PIGQ: variants seen among roughly 807,000 people sequenced by gnomAD.
PIGQ encodes the protein phosphatidylinositol glycan anchor biosynthesis class Q, also known as phosphatidylinositol N-acetylglucosaminyltransferase subunit Q.
A neutral mutation model predicts 60.3 loss-of-function variants in PIGQ; 54 were observed. The ratio of observed to expected loss-of-function variants is 0.90; its 90% CI spans 0.72 to 1.12. The LOEUF is 1.12. Ranked by LOEUF, PIGQ falls within the 50% of genes most tolerant of loss-of-function variation. The pLI, the probability that PIGQ is intolerant of heterozygous loss-of-function variation, is 0.00. For synonymous variants in PIGQ, 416 were observed against 363.7 expected, an observed-to-expected ratio of 1.14 and a Z score of -1.64; for missense variants, 799 against 793.5, an observed-to-expected ratio of 1.01 and a Z score of -0.08.
chr16:578,586 G>C (rs993673594), intron 5 of PIGQ, 81 bp downstream of exon 5: 2 of 1,512,506 alleles, frequency 1.3e-6, no homozygotes, highest in African/African-American at 1.4e-5. Flanking sequence ...CCCGCCCCCT[G>C]TGCCCCCAAC....
chr16:583,194 G>A lies in PIGQ; in HGVS notation c.*159G>A, dbSNP rs375151578. The A allele has an allele frequency of 3.8e-5, 61 of 1,613,160 alleles. No homozygotes were observed. Among genetic ancestry groups the A allele is most frequent in the African/African-American group, 6.7e-5 (5 of 74,926 alleles). ...CTGCTATCACACCTTGGGCTTGGAG[G>A]TCATTGGGAGTGAGCAGATGTGGGG... On this transcript the variant is annotated 3_prime_UTR_variant, in exon 11 of 11. Coordinates refer to ENST00000321878, the MANE Select transcript of PIGQ (RefSeq NM_004204.5).
Position 583,607 on chromosome 16 carries a change from G to A in PIGQ, c.*572G>A, listed in dbSNP as rs759264656. On this transcript the variant is annotated 3_prime_UTR_variant, in exon 11 of 11. Coordinates refer to ENST00000321878, the MANE Select transcript of PIGQ (RefSeq NM_004204.5). ...CTGAACCACACGGGGTTTATTTGCGGATGTTCCCTGGAGAGGTCGCTTTGT... is the reference window on the plus strand; with the variant it reads ...CTGAACCACACGGGGTTTATTTGCGAATGTTCCCTGGAGAGGTCGCTTTGT... The A allele has an allele frequency of 6.2e-7, 1 of 1,612,818 alleles. No homozygotes were observed. Among genetic ancestry groups the A allele is most frequent in the Admixed American group, 1.7e-5 (1 of 60,024 alleles).
rs576869766 is a variant in PIGQ, at chr16:582,698, C to G, written c.1594-185C>G. On this transcript the variant is annotated intron_variant, in intron 10 of 10. Transcript: ENST00000321878. The stretch of plus-strand genomic sequence containing the variant: ...AGGGGAGATGCAGCTTCTGCCTCCC[C>G]CCAGCGCTCCCTTCTGGCTGCAGGC... The G allele has an allele frequency of 1.3e-4, 92 of 698,220 alleles. No homozygotes were observed. In the African/African-American group the frequency reaches 1.4e-3, roughly 11 times the overall value. The allele number at this position is 698,220 out of a possible 1,614,324, so 43.3% of individuals were successfully genotyped here. A position where few individuals can be genotyped will look rare whatever the true frequency, so the allele number is the denominator to read the frequency against.
chr16:571,075 G>GCCTAGCC (rs1271679163), intron 1 of PIGQ, among the ~76,000 whole-genome samples: 13 of 13,324 alleles, frequency 9.8e-4, no homozygotes, highest in African/African-American at 4.1e-3. Flanking sequence ...GTGTGTGTGT[G>GCCTAGCC]TGTGTGTGTG....
At position 583,399 on chromosome 16, in the gene PIGQ, A is replaced by G; in HGVS notation, c.*364A>G. 5 of 1,612,666 alleles carry G rather than the reference A, an allele frequency of 3.1e-6. No homozygotes were observed. Among genetic ancestry groups the G allele is most frequent in the South Asian group, 1.1e-5 (1 of 91,080 alleles). On this transcript the variant is annotated 3_prime_UTR_variant, in exon 11 of 11. Coordinates refer to ENST00000321878, the MANE Select transcript of PIGQ (RefSeq NM_004204.5). Reference sequence around the variant, plus strand: ...CGTCCACCACAGCAGCCCCAGGTGGAGGGCTGGTCTCCCTGGGGGCTCCCC... The same window carrying G: ...CGTCCACCACAGCAGCCCCAGGTGGGGGGCTGGTCTCCCTGGGGGCTCCCC...
chr16:576,097 C>A lies in PIGQ; in HGVS notation c.822-37C>A, dbSNP rs552888936. 17 of 1,544,790 alleles carry A rather than the reference C, an allele frequency of 1.1e-5. No homozygotes were observed. In the African/African-American group the frequency reaches 2.1e-4, roughly 19 times the overall value. On this transcript the variant is annotated intron_variant, in intron 3 of 10. Transcript: ENST00000321878. ...CTCCTGCGGCCCCAGGCTGTGCTGGCCACCCTCATGCCGGCCGGGCCGGAC... is the reference window on the plus strand; with the variant it reads ...CTCCTGCGGCCCCAGGCTGTGCTGGACACCCTCATGCCGGCCGGGCCGGAC...
At chr16:582,758 C>G (rs1257171200) in intron 10 of PIGQ, 125 bp from the exon 11 acceptor site, 12 of 1,081,744 alleles carry the variant, frequency 1.1e-5, no homozygotes, top group Middle Eastern at 6.3e-4. Context: ...ACTGGCTTCT[C>G]CCACAGGCAA....
chr16:581,214 G>T (rs189461061), intron 9 of PIGQ: 3 of 1,430,162 alleles, frequency 2.1e-6, no homozygotes, highest in South Asian at 1.4e-5. Context: ...GAACCCTGGA[G>T]ACCTGAGGCC....
At position 578,844 on chromosome 16, in the gene PIGQ, G is replaced by A. The variant is rs906758235; in HGVS notation, c.1129G>A (p.Ala377Thr). ...EHILWHVGLS[A>T]CLGLTVALSL... is the part of the protein sequence containing the mutation. ...CATCCTTTGGCACGTGGGCCTCTCG[G>A]CCTGCCTGGGCCTGACGGTGGCCCT... Residue 377 changes from alanine (A) to threonine (T), a missense_variant, in exon 6 of 11, where the codon GCC becomes ACC. By Grantham distance (58) the Ala-to-Thr change is moderately conservative. Coordinates refer to ENST00000321878, the MANE Select transcript of PIGQ (RefSeq NM_004204.5). 2 of 1,613,778 alleles carry A rather than the reference G, an allele frequency of 1.2e-6. No homozygotes were observed. The highest frequency in any genetic ancestry group is 2.7e-5 in the African/African-American group (2 of 75,050).
At chr16:574,036 C>A in intron 1 of PIGQ, 30 bp from the exon 2 acceptor site, 2 of 1,504,330 alleles carry the variant, frequency 1.3e-6, no homozygotes, top group Admixed American at 1.8e-5. Flanking sequence ...AGCAGCAGCT[C>A]TGAGCCGAGC....
intron 9 of PIGQ, chr16:581,465 AG>A: frequency 1.7e-6 from 1 of 591,930 alleles, no homozygotes; most frequent in Non-Finnish European, 2.2e-6. Flanking sequence ...AGTCTGCAGG[AG>A]GCTTTTTTTT....
Position 574,704 on chromosome 16 carries a change from A to G in PIGQ, c.630A>G (p.Gly210=). 2.5e-6 allele frequency: 4 copies of G among 1,597,780 alleles called. No homozygotes were observed. The highest frequency in any genetic ancestry group is 3.4e-6 in the Non-Finnish European group (4 of 1,175,722). Residue 210 remains glycine, a synonymous_variant, in exon 2 of 11, where the codon GGA becomes GGG. Coordinates refer to ENST00000321878, the MANE Select transcript of PIGQ (RefSeq NM_004204.5). ...CGGAGCTGGCCAGGCGAGCCTCGGGACCCATTTGCCTGCTGTTGGCCAGCC... is the reference window on the plus strand; with the variant it reads ...CGGAGCTGGCCAGGCGAGCCTCGGGGCCCATTTGCCTGCTGTTGGCCAGCC... ...ILAELARRAS[G]PICLLLASLL... is the part of the protein sequence containing the mutation.
chr16:570,315 C>G (rs1169788425), intron 1 of PIGQ: 1 of 152,284 alleles, frequency 6.6e-6, no homozygotes, highest in East Asian at 1.9e-4. Flanking sequence ...GCAGTTGTCC[C>G]GGTTTGCAGG....
chr16:572,127 G>C (rs943745871), intron 1 of PIGQ, among the ~76,000 whole-genome samples: 5 of 152,214 alleles, frequency 3.3e-5, no homozygotes, highest in African/African-American at 1.2e-4. Flanking sequence ...GGCGTGATGG[G>C]TCCCTGGGCT....
chr16:582,392 T>C (rs1480188503), intron 10 of PIGQ, 83 bp downstream of exon 10: 4 of 1,027,768 alleles, frequency 3.9e-6, no homozygotes, highest in Non-Finnish European at 5.7e-6. Flanking sequence ...AGTGTCTGGG[T>C]GGCACCACGC....
chr16:574,005 C>T (rs571668078), intron 1 of PIGQ, 61 bp from the exon 2 acceptor site: 37 of 1,227,674 alleles, frequency 3.0e-5, no homozygotes, highest in East Asian at 3.0e-4. Flanking sequence ...TGCAACATCC[C>T]GCAGCCCACG....
In PIGQ at chr16:583,692, C is replaced by G; in HGVS notation, c.*657C>G. On this transcript the variant is annotated 3_prime_UTR_variant, in exon 11 of 11. Transcript: ENST00000321878. Reference sequence around the variant, plus strand: ...GCTGCTGTGGGGGCGGGAGCAGCCTCAGTGTCAAGGGCCCGCCCACTGACC... The same window carrying G: ...GCTGCTGTGGGGGCGGGAGCAGCCTGAGTGTCAAGGGCCCGCCCACTGACC... 1.3e-6 allele frequency: 2 copies of G among 1,581,854 alleles called. No homozygotes were observed. Among genetic ancestry groups the G allele is most frequent in the Non-Finnish European group, 1.7e-6 (2 of 1,156,274 alleles).
At chr16:581,231 C>G in intron 9 of PIGQ, 1 of 1,419,610 alleles carries the variant, frequency 7.0e-7, no homozygotes, top group South Asian at 1.3e-5. Context: ...GGCCACAGGC[C>G]TTTGTTCTTC....
In PIGQ at chr16:583,082, ATCTGC is replaced by A. The variant is rs756647933; in HGVS notation, c.*53_*57del. 79 of 1,612,918 alleles carry A rather than the reference ATCTGC, an allele frequency of 4.9e-5. 1 individual carries two copies. The African/African-American group carries it at 8.0e-4, about 16-fold the overall frequency. On this transcript the variant is annotated 3_prime_UTR_variant, in exon 11 of 11. Transcript: ENST00000321878. ...CACCACCACACGGCCACAGCCAGCC[ATCTGC>A]TCTGCCAGGGTGGCACCAGCTCAGC...
Sources: gnomAD v4.1 joint callset for allele counts (sites outside exome capture counted in the v4.1 genomes callset) on GRCh38, gnomAD v4.1.1 for gene constraint, MANE v1.5 for transcripts, NCBI Gene and HGNC (gene_info 2026-07-23, HGNC 2026-07-21) for gene names.